Variants in NOS2 observed in about 807,000 individuals in gnomAD.
The protein encoded by NOS2 is nitric oxide synthase, inducible.
In NOS2, 96 loss-of-function variants were observed where a neutral mutation model predicts 136.0. The observed-to-expected ratio is 0.71, with a 90% confidence interval of 0.60 to 0.84. The LOEUF (loss-of-function observed/expected upper bound fraction) is 0.84. Ranked by LOEUF, NOS2 falls within the 40% of genes least tolerant of loss-of-function variation. The pLI is 0.00. For synonymous variants in NOS2, 539 were observed against 587.5 expected, an observed-to-expected ratio of 0.92 and a Z score of 1.20; for missense variants, 1,237 against 1,496.9, an observed-to-expected ratio of 0.83 and a Z score of 2.87.
At chr17:27,769,223 A>G (rs1298575048) in intron 16 of NOS2, 72 bp from the exon 17 acceptor site, 5 of 1,418,320 alleles carry the variant, frequency 3.5e-6, no homozygotes, top group Non-Finnish European at 4.8e-6. Context: ...CAGCACCAAC[A>G]GCCTGGAGAG....
At position 27,767,814 on chromosome 17, in the gene NOS2, G is replaced by T. The variant is rs549780287; in HGVS notation, c.2058C>A (p.Val686=). 4 of 1,611,768 alleles carry T rather than the reference G, an allele frequency of 2.5e-6. No individual in the cohort carries two copies. Among genetic ancestry groups the T allele is most frequent in the Non-Finnish European group, 3.4e-6 (4 of 1,179,984 alleles). The change falls in exon 18 of 27, where the codon GTC becomes GTA. Residue 686 remains valine (V), a synonymous_variant. Transcript: ENST00000313735. ...GGATCTGAATGTGCTGTTTGCCTCG[G>T]ACATCAAACGTCTCACAGGCTGCCT... is the stretch of plus-strand genomic sequence containing the variant. ...TFKAACETFD[V]RGKQHIQIPK... is the part of the protein sequence containing the mutation.
At chr17:27,790,283 G>A (rs1453805986) in intron 2 of NOS2, among the ~76,000 whole-genome samples, 1 of 152,068 alleles carries the variant, frequency 6.6e-6, no homozygotes, top group African/African-American at 2.4e-5. Flanking sequence ...TGGTAGAGAT[G>A]GGGTTTCACC....
At chr17:27,766,423 C>G (rs1386659321) in intron 19 of NOS2, 87 bp downstream of exon 19, 5 of 1,210,940 alleles carry the variant, frequency 4.1e-6, no homozygotes, top group Non-Finnish European at 6.1e-6. Context: ...TTCTCCTCTC[C>G]CTTCAAAGAC....
chr17:27,765,797 G>T, intron 19 of NOS2, 81 bp from the exon 20 acceptor site: 1 of 1,386,668 alleles, frequency 7.2e-7, no homozygotes, highest in South Asian at 1.4e-5. Flanking sequence ...GATTCCCCAG[G>T]AAATGTGCCC....
chr17:27,784,475 C>A (rs183151155), intron 5 of NOS2, among the ~76,000 whole-genome samples: 14 of 152,200 alleles, frequency 9.2e-5, no homozygotes, highest in African/African-American at 2.4e-4. Context: ...AATATTCCCC[C>A]CTCTGCACCT....
Position 27,769,034 on chromosome 17 carries a change from C to T in NOS2, c.1977G>A (p.Gly659=), listed in dbSNP as rs1175809382. 1 of 1,612,688 alleles carries T rather than the reference C, an allele frequency of 6.2e-7. No individual in the cohort carries two copies. The highest frequency in any genetic ancestry group is 8.5e-7 in the Non-Finnish European group (1 of 1,179,664). The change falls in exon 17 of 27, where the codon GGG becomes GGA. Residue 659 remains glycine, a synonymous_variant. Coordinates refer to ENST00000313735, the MANE Select transcript of NOS2 (RefSeq NM_000625.4). ...CGTCCTCCTGCCCACTGAGCTCATC[C>T]CCTTCTCCCATCGGGGTGAGCTGAG... The part of the protein sequence containing the change: ...GASQLTPMGE[G]DELSGQEDAF...
At position 27,788,803 on chromosome 17, in the gene NOS2, A is replaced by G; in HGVS notation, c.318+6T>C. 1 of 1,613,050 alleles carries G rather than the reference A, an allele frequency of 6.2e-7. No individual in the cohort carries two copies. The highest frequency in any genetic ancestry group is 8.5e-7 in the Non-Finnish European group (1 of 1,179,390). ...AAGGTGGTTCTCCCTGAAGCCCCAGACTTACCCCTTTGGCCTTATGGTGAA... is the reference window on the plus strand; with the variant it reads ...AAGGTGGTTCTCCCTGAAGCCCCAGGCTTACCCCTTTGGCCTTATGGTGAA... On this transcript the variant is annotated splice_donor_region_variant and intron_variant, in intron 4 of 26. Transcript: ENST00000313735.
At chr17:27,759,817 G>A (rs1819943859) in intron 25 of NOS2, among the ~76,000 whole-genome samples, 1 of 152,168 alleles carries the variant, frequency 6.6e-6, no homozygotes, top group Non-Finnish European at 1.5e-5. Context: ...ACCCGCGTGT[G>A]ACCTAGGTTA....
intron 2 of NOS2, among the ~76,000 whole-genome samples, chr17:27,790,383 C>T (rs1012308159): frequency 6.6e-6 from 1 of 152,176 alleles, no homozygotes; most frequent in South Asian, 2.1e-4. Context: ...CAGGAGCCAC[C>T]GCGCCCAGCC....
intron 15 of NOS2, among the ~76,000 whole-genome samples, chr17:27,770,540 A>G (rs1908458855): frequency 6.6e-6 from 1 of 152,178 alleles, no homozygotes; most frequent in Non-Finnish European, 1.5e-5. Flanking sequence ...AAAACAAACA[A>G]AACAAACAAA....
At position 27,765,531 on chromosome 17, in the gene NOS2, T is replaced by C. The variant is rs906906887; in HGVS notation, c.2428+4A>G. On this transcript the variant is annotated splice_donor_region_variant and intron_variant, in intron 20 of 26. Coordinates refer to ENST00000313735, the MANE Select transcript of NOS2 (RefSeq NM_000625.4). Reference sequence around the variant, plus strand: ...CAGCACTGGCTTTCTAGCCCGGGGCTCACCACTCTCATCCAGGGCCTCCAG... The same window carrying C: ...CAGCACTGGCTTTCTAGCCCGGGGCCCACCACTCTCATCCAGGGCCTCCAG... 20 of 1,592,156 alleles carry C rather than the reference T, an allele frequency of 1.3e-5. No individual in the cohort carries two copies. Among genetic ancestry groups the C allele is most frequent in the Non-Finnish European group, 1.7e-5 (20 of 1,170,442 alleles).
chr17:27,767,557 A>G (rs565165621), intron 18 of NOS2, 148 bp downstream of exon 18: 13 of 910,414 alleles, frequency 1.4e-5, no homozygotes, highest in African/African-American at 1.7e-5. Context: ...CTTGAGTATT[A>G]TGCCCTAACA....
chr17:27,792,815 CAAAAAAA>C (rs34992777), intron 2 of NOS2, among the ~76,000 whole-genome samples: 3 of 52,512 alleles, frequency 5.7e-5, no homozygotes, highest in African/African-American at 8.3e-5. Context: ...CCTATCTCTA[CAAAAAAA>C]AAAAAAAAAA....
chr17:27,769,155 C>A lies in NOS2; in HGVS notation c.1860-4G>T. 1 of 1,604,666 alleles carries A rather than the reference C, an allele frequency of 6.2e-7. No homozygotes were observed. On this transcript the variant is annotated splice_polypyrimidine_tract_variant and splice_region_variant and intron_variant, in intron 16 of 26. Coordinates refer to ENST00000313735, the MANE Select transcript of NOS2 (RefSeq NM_000625.4). ...GCCGAGGCCAAACACAGCGTACCTG[C>A]CCGAGGACACACACAGAGACACATG...
chr17:27,781,045 T>C lies in NOS2; in HGVS notation c.855A>G (p.Glu285=). The change falls in exon 8 of 27, where the codon GAA becomes GAG. Residue 285 remains glutamate, a synonymous_variant. Coordinates refer to ENST00000313735, the MANE Select transcript of NOS2 (RefSeq NM_000625.4). ...AGGCTGGGCCGGGTACCTGAGTGAA[T>C]TCCACGTTGGCAGGGTCCCCTCTGA... ...GSIRGDPANV[E]FTQLCIDLGW... The C allele has an allele frequency of 6.2e-7, 1 of 1,613,474 alleles. No homozygotes were observed. Among genetic ancestry groups the C allele is most frequent in the Non-Finnish European group, 8.5e-7 (1 of 1,179,762 alleles).
intron 2 of NOS2, among the ~76,000 whole-genome samples, chr17:27,791,583 TC>T (rs1247141925): frequency 6.6e-6 from 1 of 151,914 alleles, no homozygotes; most frequent in African/African-American, 2.4e-5. Context: ...GGCTATAAAT[TC>T]CCACTTGCTC....
At position 27,783,099 on chromosome 17, in the gene NOS2, T is replaced by C. The variant is rs1264914814; in HGVS notation, c.475A>G (p.Ile159Val). The change falls in exon 6 of 27, where the codon ATA becomes GTA. Residue 159 changes from isoleucine (I) to valine (V), a missense_variant. Ile to Val is a conservative substitution (Grantham distance 29). Transcript: ENST00000313735. ...TCCACCCTGGCCAGATGTTCCTCTA[T>C]TTTTGCCCTGGGGGACAGGAAGACA... ...QYYGSFKEAK[I>V]EEHLARVEAV... The C allele has an allele frequency of 4.3e-6, 7 of 1,614,092 alleles. No individual in the cohort carries two copies. Among genetic ancestry groups the C allele is most frequent in the Non-Finnish European group, 5.9e-6 (7 of 1,179,992 alleles).
intron 5 of NOS2, among the ~76,000 whole-genome samples, chr17:27,787,427 G>A (rs578253305): frequency 3.9e-5 from 6 of 152,278 alleles, no homozygotes; most frequent in South Asian, 4.2e-4. Context: ...GACACAATGC[G>A]GGAGCCAGGG....
At chr17:27,781,214 C>T (rs750153349) in intron 7 of NOS2, 37 bp from the exon 8 acceptor site, 4 of 1,575,690 alleles carry the variant, frequency 2.5e-6, no homozygotes, top group African/African-American at 1.3e-5. Context: ...TACCACCTAG[C>T]CCTGGTGGGG....
Sources: gnomAD v4.1 joint callset for allele counts (sites outside exome capture counted in the v4.1 genomes callset) on GRCh38, gnomAD v4.1.1 for gene constraint, MANE v1.5 for transcripts, NCBI Gene and HGNC (gene_info 2026-07-23, HGNC 2026-07-21) for gene names.